The following ADGRV1 variants were observed in gnomAD, a reference collection of about 807,000 sequenced individuals.
The protein encoded by ADGRV1 is adhesion G protein-coupled receptor V1, also known as G-protein coupled receptor 98.
Under a neutral mutation model 596.2 loss-of-function variants are expected in ADGRV1, and 359 were observed. The observed-to-expected ratio is 0.60, with a 90% CI of 0.55 to 0.66. ADGRV1 has a LOEUF of 0.66. Ranked by LOEUF, ADGRV1 falls within the 30% of genes least tolerant of loss-of-function variation. The pLI is 0.00. For synonymous variants in ADGRV1, 2,681 were observed against 2,679.2 expected (o/e 1.00, Z -0.02); for missense variants, 7,274 against 7,575.6 (o/e 0.96, Z 1.48).
chr5:90,798,847 G>A (rs1045313209), intron 70 of ADGRV1, among the ~76,000 whole-genome samples: 1 of 152,176 alleles, frequency 6.6e-6, no homozygotes, highest in Non-Finnish European at 1.5e-5. Context: ...CTCAATAGAT[G>A]CAGAAAAGGC....
intron 79 of ADGRV1, among the ~76,000 whole-genome samples, chr5:90,850,094 T>C (rs1288766685): frequency 1.3e-5 from 2 of 152,152 alleles, no homozygotes; most frequent in African/African-American, 4.8e-5. Flanking sequence ...ACCCCAGACT[T>C]ACTTGAGTCT....
Position 90,643,791 on chromosome 5 carries a change from C to T in ADGRV1, c.2554-12C>T. On this transcript the variant is annotated splice_polypyrimidine_tract_variant and intron_variant, in intron 13 of 89. Coordinates refer to ENST00000405460, the MANE Select transcript of ADGRV1 (RefSeq NM_032119.4). ...ACTTTATAATTTCCATACTTTGACA[C>T]ATTCACTTTAGTTGGATGAACACTA... 3 of 1,564,544 alleles carry T rather than the reference C, an allele frequency of 1.9e-6. No individual in the cohort carries two copies. Among genetic ancestry groups the T allele is most frequent in the Non-Finnish European group, 2.6e-6 (3 of 1,154,826 alleles).
chr5:90,819,015 G>C (rs1763202956), intron 75 of ADGRV1, among the ~76,000 whole-genome samples: 1 of 152,112 alleles, frequency 6.6e-6, no homozygotes, highest in Admixed American at 6.5e-5. Flanking sequence ...TGTACCTCTG[G>C]TAGAAATCGG....
intron 83 of ADGRV1, among the ~76,000 whole-genome samples, chr5:90,917,969 T>G (rs1196237505): frequency 1.3e-5 from 2 of 152,162 alleles, no homozygotes; most frequent in Non-Finnish European, 2.9e-5. Context: ...GTAGTAGCTC[T>G]TAGGCAGATA....
At chr5:90,888,977 T>A (rs573815662) in intron 83 of ADGRV1, among the ~76,000 whole-genome samples, 4 of 152,264 alleles carry the variant, frequency 2.6e-5, no homozygotes, top group African/African-American at 9.6e-5. Flanking sequence ...ATGCTGACTA[T>A]CAAATCTTGG....
intron 87 of ADGRV1, among the ~76,000 whole-genome samples, chr5:91,123,889 G>C (rs1793533209): frequency 6.6e-6 from 1 of 152,110 alleles, no homozygotes; most frequent in Non-Finnish European, 1.5e-5. Flanking sequence ...GTGGAGGGTG[G>C]GTGAGGTAGA....
rs370196445 is a variant in ADGRV1, at chr5:90,720,034, G to A, written c.9448-14G>A. On this transcript the variant is annotated splice_polypyrimidine_tract_variant and intron_variant, in intron 43 of 89. Transcript: ENST00000405460. Reference sequence around the variant, plus strand: ...CTGTATTCTAGTAACCTTATCTTTTGATTTTGTTTTCAGGCCCTACAAATA... The same window carrying A: ...CTGTATTCTAGTAACCTTATCTTTTAATTTTGTTTTCAGGCCCTACAAATA... 74 of 1,608,160 alleles carry A rather than the reference G, an allele frequency of 4.6e-5. No homozygotes were observed. The highest frequency in any genetic ancestry group is 5.8e-5 in the Non-Finnish European group (68 of 1,175,006).
chr5:91,003,937 A>G (rs979020580), intron 85 of ADGRV1, among the ~76,000 whole-genome samples: 2 of 152,196 alleles, frequency 1.3e-5, no homozygotes, highest in Non-Finnish European at 2.9e-5. Context: ...TAAATCTAAA[A>G]TGAAGTGAGG....
chr5:90,628,826 A>G lies in ADGRV1; in HGVS notation c.1503A>G (p.Pro501=), dbSNP rs1268338783. 3.1e-6 allele frequency: 5 copies of G among 1,613,710 alleles called. No homozygotes were observed. The African/African-American group carries it at 6.7e-5, about 22-fold the overall frequency. ...GAGGAGGTGCAGAAGTGAGCGAGCC[A>G]GCGGAGGTATAACCCTTGTTATGCT... ...TIRGGAEVSE[P]AELLFYIQDS... Residue 501 remains proline, a synonymous_variant, in exon 8 of 90, where the codon CCA becomes CCG. Coordinates refer to ENST00000405460, the MANE Select transcript of ADGRV1 (RefSeq NM_032119.4).
intron 83 of ADGRV1, among the ~76,000 whole-genome samples, chr5:90,959,963 C>T (rs1581634655): frequency 6.6e-6 from 1 of 151,884 alleles, no homozygotes; most frequent in Admixed American, 6.6e-5. Flanking sequence ...CACGGTGAAA[C>T]CCCGTCTCTA....
intron 86 of ADGRV1, among the ~76,000 whole-genome samples, chr5:91,078,540 T>C (rs925384820): frequency 6.6e-6 from 1 of 152,218 alleles, no homozygotes. Flanking sequence ...GAAGTGATGC[T>C]TTTTCATAAT....
chr5:90,939,678 G>A (rs1410545108), intron 83 of ADGRV1, among the ~76,000 whole-genome samples: 1 of 152,090 alleles, frequency 6.6e-6, no homozygotes, highest in Non-Finnish European at 1.5e-5. Context: ...ACCTTTTAGG[G>A]GAAAATTTAG....
intron 83 of ADGRV1, among the ~76,000 whole-genome samples, chr5:90,899,834 G>A (rs1015043697): frequency 2.6e-5 from 4 of 151,904 alleles, no homozygotes; most frequent in Admixed American, 6.6e-5. Context: ...CTCTGATAAC[G>A]AGAGCAAGGT....
intron 16 of ADGRV1, among the ~76,000 whole-genome samples, 197 bp downstream of exon 16, chr5:90,646,288 C>T (rs1368776804): frequency 1.3e-5 from 2 of 151,630 alleles, no homozygotes; most frequent in South Asian, 2.1e-4. Context: ...GTAATTCATT[C>T]GAGGATTGTT....
At chr5:91,036,124 A>G (rs1370868215) in intron 85 of ADGRV1, among the ~76,000 whole-genome samples, 1 of 151,976 alleles carries the variant, frequency 6.6e-6, no homozygotes, top group African/African-American at 2.4e-5. Context: ...TAAGGAGGTA[A>G]GGCATGTATC....
At chr5:91,026,819 C>T (rs973619823) in intron 85 of ADGRV1, among the ~76,000 whole-genome samples, 11 of 151,946 alleles carry the variant, frequency 7.2e-5, no homozygotes, top group African/African-American at 1.5e-4. Flanking sequence ...GAATAGGATC[C>T]GAGACCCACA....
intron 26 of ADGRV1, among the ~76,000 whole-genome samples, chr5:90,681,026 A>G (rs1360840713): frequency 1.3e-5 from 2 of 152,202 alleles, no homozygotes; most frequent in African/African-American, 2.4e-5. Context: ...CTCTGTGTGG[A>G]AGAATGTTCT....
chr5:90,978,684 A>G (rs948565720), intron 84 of ADGRV1, among the ~76,000 whole-genome samples: 8 of 152,148 alleles, frequency 5.3e-5, no homozygotes, highest in African/African-American at 1.9e-4. Context: ...AAAACATCAC[A>G]CTTACCCCAT....
At chr5:90,622,231 G>T (rs1764181295) in intron 4 of ADGRV1, among the ~76,000 whole-genome samples, 1 of 152,166 alleles carries the variant, frequency 6.6e-6, no homozygotes, top group African/African-American at 2.4e-5. Context: ...CCAGTGACCT[G>T]CTGCCTTGGT....
Sources: gnomAD v4.1 joint callset for allele counts (sites outside exome capture counted in the v4.1 genomes callset) on GRCh38, gnomAD v4.1.1 for gene constraint, MANE v1.5 for transcripts, NCBI Gene and HGNC (gene_info 2026-07-23, HGNC 2026-07-21) for gene names.